ANXA8: variants seen among roughly 807,000 people sequenced by gnomAD.
ANXA8 encodes annexin A8, also known as VAC-beta.
A neutral mutation model predicts 26.8 loss-of-function variants in ANXA8; 9 were observed. That is an observed-to-expected ratio of 0.34 (90% confidence interval 0.20 to 0.59). ANXA8 has a LOEUF of 0.59. Among genes scored for constraint, ANXA8 ranks in the 20% least tolerant of loss-of-function variants. The pLI is 0.84. For missense variants in ANXA8, 83 were observed against 238.5 expected (o/e 0.35, Z 4.29); for synonymous variants, 39 against 94.8 (o/e 0.41, Z 3.42).
At chr10:47,741,119 C>T in the ANXA8 span, among the ~76,000 whole-genome samples, 1 of 102,518 alleles carries the variant, frequency 9.8e-6, no homozygotes. Flanking sequence ...TTTTCATGTG[C>T]TCATTGGCCA....
chr10:47,547,378 G>A, the ANXA8 span, among the ~76,000 whole-genome samples: 9 of 139,704 alleles, frequency 6.4e-5, 2 homozygotes, highest in East Asian at 5.9e-4. Context: ...ATAAGCTACC[G>A]TTTGTGTTTT....
the ANXA8 span, among the ~76,000 whole-genome samples, chr10:47,522,201 A>G: frequency 7.1e-6 from 1 of 141,628 alleles, no homozygotes; most frequent in Admixed American, 7.1e-5. Flanking sequence ...TTAACCTGCA[A>G]TCTTTATATT....
chr10:47,942,665 G>C, the ANXA8 span, among the ~76,000 whole-genome samples: 5 of 142,482 alleles, frequency 3.5e-5, no homozygotes, highest in African/African-American at 1.4e-4. Context: ...GAGTCCTGCT[G>C]TTGCTGGGGA....
the ANXA8 span, among the ~76,000 whole-genome samples, chr10:47,497,021 C>CT: frequency 6.7e-6 from 1 of 150,284 alleles, no homozygotes; most frequent in Non-Finnish European, 1.5e-5. Flanking sequence ...TTTTCTCAAA[C>CT]GTTAAAATTT....
chr10:47,628,424 C>T, the ANXA8 span, among the ~76,000 whole-genome samples: 1 of 150,608 alleles, frequency 6.6e-6, no homozygotes, highest in Non-Finnish European at 1.5e-5. Context: ...TAAATGTGTT[C>T]AATATAGTAA....
chr10:47,734,912 G>A, the ANXA8 span, among the ~76,000 whole-genome samples: 1 of 125,492 alleles, frequency 8.0e-6, no homozygotes, highest in Non-Finnish European at 1.6e-5. Context: ...CCAGCTACTT[G>A]GGAGGCTGAG....
chr10:47,674,323 A>G, the ANXA8 span, among the ~76,000 whole-genome samples: 1 of 150,718 alleles, frequency 6.6e-6, no homozygotes, highest in African/African-American at 2.5e-5. Context: ...ATAGAGACAG[A>G]GTCTCACTGT....
the ANXA8 span, among the ~76,000 whole-genome samples, chr10:47,687,745 G>A: frequency 6.6e-6 from 1 of 151,904 alleles, no homozygotes; most frequent in Non-Finnish European, 1.5e-5. Flanking sequence ...TTTCTATGAG[G>A]ATTAAATGAG....
At chr10:47,678,813 G>T in the ANXA8 span, among the ~76,000 whole-genome samples, 1 of 149,214 alleles carries the variant, frequency 6.7e-6, no homozygotes. Context: ...GGCCGAGGGG[G>T]GTGCAGATCA....
the ANXA8 span, among the ~76,000 whole-genome samples, chr10:47,519,382 T>C: frequency 8.5e-6 from 1 of 117,636 alleles, no homozygotes; most frequent in African/African-American, 3.4e-5. Flanking sequence ...GCAGGAGAAT[T>C]GCTTGAACCT....
At chr10:47,697,867 T>C in the ANXA8 span, among the ~76,000 whole-genome samples, 2 of 109,206 alleles carry the variant, frequency 1.8e-5, no homozygotes, top group East Asian at 5.2e-4. Context: ...TTGCAGGTGA[T>C]AATGAGTGCT....
the ANXA8 span, among the ~76,000 whole-genome samples, chr10:47,658,846 TATTA>T: frequency 1.5e-5 from 2 of 132,068 alleles, no homozygotes; most frequent in African/African-American, 6.9e-5. Context: ...TTTATTTATT[TATTA>T]TTTATTTATT....
chr10:47,497,493 C>A, the ANXA8 span, among the ~76,000 whole-genome samples: 1 of 147,426 alleles, frequency 6.8e-6, no homozygotes, highest in African/African-American at 2.5e-5. Flanking sequence ...GTGGTGCATG[C>A]CTGTAATCCC....
chr10:47,637,112 T>C, the ANXA8 span, among the ~76,000 whole-genome samples: 1 of 147,848 alleles, frequency 6.8e-6, no homozygotes, highest in South Asian at 2.1e-4. Flanking sequence ...TGGTAACACA[T>C]GCCGATATAT....
the ANXA8 span, among the ~76,000 whole-genome samples, chr10:47,626,654 A>C: frequency 2.1e-3 from 309 of 150,218 alleles, 16 homozygotes; most frequent in African/African-American, 7.4e-3. Context: ...TTTATTATTT[A>C]CCCTTGTAAA....
At chr10:47,959,071 G>A in the ANXA8 span, among the ~76,000 whole-genome samples, 1 of 148,998 alleles carries the variant, frequency 6.7e-6, no homozygotes, top group African/African-American at 2.5e-5. Context: ...GTGGCCAGTG[G>A]AAGCAGTTGG....
At chr10:47,551,227 C>T in the ANXA8 span, among the ~76,000 whole-genome samples, 7 of 151,800 alleles carry the variant, frequency 4.6e-5, no homozygotes, top group Non-Finnish European at 1.0e-4. Context: ...GGCTCTCCGA[C>T]TTACTGGTTG....
chr10:47,482,090 T>A lies in ANXA8; in HGVS notation c.21+1823A>T, dbSNP rs1255050729. Reference sequence around the variant, plus strand: ...CAGATGGACCCTGCCTGCAGACAGATCTCTCTCCAGTGGCTCCCTCATCTC... The same window carrying A: ...CAGATGGACCCTGCCTGCAGACAGAACTCTCTCCAGTGGCTCCCTCATCTC... On this transcript the variant is annotated intron_variant, in intron 1 of 11. Transcript: ENST00000585281. Among the ~76,000 whole-genome samples, 208 of 138,824 alleles carry A rather than the reference T, an allele frequency of 1.5e-3. 33 individuals carry two copies. Among genetic ancestry groups the A allele is most frequent in the Admixed American group, 0.013 (180 of 13,830 alleles). 91.1% of individuals were successfully genotyped at this position (138,824 alleles called of 152,430 possible). A position where few individuals can be genotyped will look rare whatever the true frequency, so the allele number is the denominator to read the frequency against.
At chr10:47,733,077 G>A in the ANXA8 span, among the ~76,000 whole-genome samples, 1 of 151,100 alleles carries the variant, frequency 6.6e-6, no homozygotes, top group Non-Finnish European at 1.5e-5. Context: ...CATAAATGAG[G>A]GTAGTACCAG....
Sources: gnomAD v4.1 joint callset for allele counts (sites outside exome capture counted in the v4.1 genomes callset) on GRCh38, gnomAD v4.1.1 for gene constraint, MANE v1.5 for transcripts, NCBI Gene and HGNC (gene_info 2026-07-23, HGNC 2026-07-21) for gene names.